The following MCTP1 variants were observed in gnomAD, a reference collection of about 807,000 sequenced individuals.
MCTP1 encodes the protein multiple C2 and transmembrane domain containing 1.
A neutral mutation model predicts 120.6 loss-of-function variants in MCTP1; 69 were observed. That is an observed-to-expected ratio of 0.57 (90% CI 0.47 to 0.70). MCTP1 has a LOEUF of 0.70. Among genes scored for constraint, MCTP1 ranks in the 30% least tolerant of loss-of-function variants. The pLI is 0.00. For synonymous variants in MCTP1, 529 were observed against 493.1 expected, an observed-to-expected ratio of 1.07 and a Z score of -0.96; for missense variants, 1,203 against 1,248.8, an observed-to-expected ratio of 0.96 and a Z score of 0.55.
intron 20 of MCTP1, among the ~76,000 whole-genome samples, chr5:94,712,938 G>T (rs1235433437): frequency 6.6e-6 from 1 of 151,856 alleles, no homozygotes; most frequent in African/African-American, 2.4e-5. Flanking sequence ...ACTCCTATTG[G>T]AAGGATAAAT....
At chr5:94,748,441 A>G (rs1767445087) in intron 19 of MCTP1, among the ~76,000 whole-genome samples, 1 of 152,214 alleles carries the variant, frequency 6.6e-6, no homozygotes. Flanking sequence ...CTAGTTTACC[A>G]GGAAACATTT....
chr5:94,818,286 T>A (rs1784903800), intron 17 of MCTP1, among the ~76,000 whole-genome samples: 2 of 152,180 alleles, frequency 1.3e-5, no homozygotes, highest in South Asian at 4.1e-4. Context: ...CAAAAGTAAG[T>A]AAAAAGGACC....
intron 1 of MCTP1, among the ~76,000 whole-genome samples, chr5:95,070,227 G>T (rs2152223882): frequency 6.6e-6 from 1 of 152,332 alleles, no homozygotes; most frequent in Non-Finnish European, 1.5e-5. Flanking sequence ...TCTGCAGTCA[G>T]GCTACCCTGA....
At chr5:94,957,512 G>C (rs1456337284) in intron 2 of MCTP1, among the ~76,000 whole-genome samples, 2 of 151,976 alleles carry the variant, frequency 1.3e-5, no homozygotes, top group Non-Finnish European at 2.9e-5. Context: ...GTATTCAGGA[G>C]ACCCATCTCA....
chr5:94,833,306 C>T (rs1788982415), intron 17 of MCTP1, among the ~76,000 whole-genome samples: 1 of 152,046 alleles, frequency 6.6e-6, no homozygotes, highest in African/African-American at 2.4e-5. Context: ...GCAATGTCAA[C>T]ACCTCATCAA....
chr5:94,986,620 C>T (rs1431766030), intron 2 of MCTP1, among the ~76,000 whole-genome samples: 1 of 152,166 alleles, frequency 6.6e-6, no homozygotes, highest in Non-Finnish European at 1.5e-5. Flanking sequence ...AGTGATTCTA[C>T]TGCCTCAGCC....
intron 19 of MCTP1, among the ~76,000 whole-genome samples, chr5:94,757,078 G>T (rs964282080): frequency 5.3e-5 from 8 of 152,156 alleles, no homozygotes; most frequent in African/African-American, 1.9e-4. Flanking sequence ...AAATGTGAAT[G>T]ACAGAACCTA....
chr5:94,828,366 T>TGTATGAGG (rs1240019625), intron 17 of MCTP1, among the ~76,000 whole-genome samples: 3 of 152,254 alleles, frequency 2.0e-5, no homozygotes, highest in African/African-American at 7.2e-5. Context: ...CAGCTGGAGC[T>TGTATGAGG]CTCCTGTATG....
chr5:94,920,870 C>G (rs1387336846), intron 7 of MCTP1, among the ~76,000 whole-genome samples: 1 of 152,074 alleles, frequency 6.6e-6, no homozygotes, highest in East Asian at 1.9e-4. Context: ...AGGCGGTACT[C>G]TGATATAACT....
chr5:95,200,951 C>T (rs1750943487), intron 1 of MCTP1, among the ~76,000 whole-genome samples: 1 of 152,156 alleles, frequency 6.6e-6, no homozygotes, highest in South Asian at 2.1e-4. Flanking sequence ...ACAACATCCT[C>T]TAAAATTTTA....
chr5:95,081,719 A>C (rs987054323), intron 1 of MCTP1: 68 of 1,256,228 alleles, frequency 5.4e-5, no homozygotes, highest in Non-Finnish European at 6.5e-5. Context: ...CTCTCAAACC[A>C]GTAAGGGAAG....
chr5:94,856,604 A>T (rs185300886), intron 17 of MCTP1, among the ~76,000 whole-genome samples: 31 of 151,820 alleles, frequency 2.0e-4, no homozygotes, highest in African/African-American at 7.0e-4. Context: ...TGTAAAAAAA[A>T]AATAATTACA....
chr5:94,815,806 G>T (rs1387453012), intron 17 of MCTP1, among the ~76,000 whole-genome samples: 1 of 152,122 alleles, frequency 6.6e-6, no homozygotes, highest in African/African-American at 2.4e-5. Flanking sequence ...AGACCGTCTG[G>T]GTCTTGGTCT....
chr5:95,143,640 T>C (rs112847375), intron 1 of MCTP1, among the ~76,000 whole-genome samples: 161 of 152,250 alleles, frequency 1.1e-3, no homozygotes, highest in African/African-American at 3.8e-3. Flanking sequence ...CCCACTTACA[T>C]GTGAGTACAT....
intron 18 of MCTP1, among the ~76,000 whole-genome samples, chr5:94,791,327 A>T (rs577305158): frequency 1.6e-4 from 24 of 151,060 alleles, no homozygotes; most frequent in African/African-American, 5.3e-4. Context: ...AAACATTTCT[A>T]AAAACAGTGT....
intron 1 of MCTP1, among the ~76,000 whole-genome samples, chr5:95,068,250 C>T (rs892453190): frequency 3.3e-5 from 5 of 151,792 alleles, no homozygotes; most frequent in African/African-American, 1.2e-4. Context: ...TAAGAAATAT[C>T]CAATGAGAGA....
At chr5:95,143,886 T>C (rs964659118) in intron 1 of MCTP1, among the ~76,000 whole-genome samples, 6 of 152,200 alleles carry the variant, frequency 3.9e-5, no homozygotes, top group Non-Finnish European at 7.4e-5. Flanking sequence ...GTATCTTTTA[T>C]GTAGAAAATT....
intron 1 of MCTP1, among the ~76,000 whole-genome samples, chr5:95,050,651 C>A (rs1745655982): frequency 2.0e-5 from 3 of 152,212 alleles, no homozygotes; most frequent in African/African-American, 7.2e-5. Context: ...AGGATCTTCC[C>A]ATAAAGTTGC....
At chr5:95,261,782 A>C (rs551633174) in intron 1 of MCTP1, among the ~76,000 whole-genome samples, 1 of 152,380 alleles carries the variant, frequency 6.6e-6, no homozygotes, top group South Asian at 2.1e-4. Context: ...ATGGAGATGT[A>C]CATCTAGCCA....
Sources: gnomAD v4.1 joint callset for allele counts (sites outside exome capture counted in the v4.1 genomes callset) on GRCh38, gnomAD v4.1.1 for gene constraint, MANE v1.5 for transcripts, NCBI Gene and HGNC (gene_info 2026-07-23, HGNC 2026-07-21) for gene names.